The following ARMC2 variants were observed in gnomAD, a reference collection of about 807,000 sequenced individuals.
The protein encoded by ARMC2 is armadillo repeat-containing protein 2.
In ARMC2, 67 loss-of-function variants were observed where a neutral mutation model predicts 90.3. That is an observed-to-expected ratio of 0.74 (90% CI 0.61 to 0.91). The LOEUF (loss-of-function observed/expected upper bound fraction) is 0.91, where lower values mean the gene tolerates loss of function less well. ARMC2 is among the 40% of genes least tolerant of loss of function. The pLI, the probability that ARMC2 is intolerant of heterozygous loss-of-function variation, is 0.00. For missense variants in ARMC2, 920 were observed against 1,030.9 expected (o/e 0.89, Z 1.47); for synonymous variants, 393 against 393.0 (o/e 1.00, Z 0.00).
chr6:109,015,663 A>C, the ARMC2 span, among the ~76,000 whole-genome samples: 1 of 152,182 alleles, frequency 6.6e-6, no homozygotes, highest in Admixed American at 6.5e-5. Flanking sequence ...GAGGTCTATG[A>C]AAAAGGTGAA....
chr6:109,029,485 C>T, the ARMC2 span, among the ~76,000 whole-genome samples: 4 of 152,156 alleles, frequency 2.6e-5, no homozygotes, highest in Non-Finnish European at 5.9e-5. Context: ...CCACTTCCTA[C>T]AACCTCTCCC....
the ARMC2 span, among the ~76,000 whole-genome samples, chr6:109,013,910 C>G: frequency 1.3e-5 from 2 of 152,150 alleles, no homozygotes; most frequent in Non-Finnish European, 2.9e-5. Flanking sequence ...CATAGCTTGT[C>G]TGCTAAGCAC....
downstream of ARMC2, among the ~76,000 whole-genome samples, chr6:108,977,917 C>T (rs1779016156): frequency 6.6e-6 from 1 of 151,950 alleles, no homozygotes; most frequent in Non-Finnish European, 1.5e-5. Context: ...GGCTAGTGGT[C>T]TATTTATTTT....
At chr6:108,894,315 A>C (rs763145639) in intron 5 of ARMC2, among the ~76,000 whole-genome samples, 152 bp from the exon 6 acceptor site, 1 of 152,250 alleles carries the variant, frequency 6.6e-6, no homozygotes, top group African/African-American at 2.4e-5. Context: ...GCAGTGAGCT[A>C]TGATCACAGC....
chr6:108,937,623 TA>T (rs1247166580), intron 12 of ARMC2, among the ~76,000 whole-genome samples: 21 of 152,192 alleles, frequency 1.4e-4, no homozygotes, highest in African/African-American at 4.8e-4. Context: ...TATAGTTGTT[TA>T]AAAAAGGAAG....
the ARMC2 span, among the ~76,000 whole-genome samples, chr6:108,979,699 TC>T: frequency 3.3e-5 from 5 of 152,010 alleles, no homozygotes; most frequent in African/African-American, 1.2e-4. Context: ...TTCTTTTCAT[TC>T]TTTTTTCTCT....
chr6:108,999,990 A>T, the ARMC2 span: 3 of 152,196 alleles, frequency 2.0e-5, no homozygotes, highest in Admixed American at 6.5e-5. Context: ...AAAAAGCATG[A>T]AGAAGCCTTA....
chr6:108,896,530 G>A (rs1174335580), intron 6 of ARMC2, among the ~76,000 whole-genome samples: 1 of 152,198 alleles, frequency 6.6e-6, no homozygotes, highest in Non-Finnish European at 1.5e-5. Context: ...GAGGTGGAAA[G>A]GCTGTAGCCA....
At chr6:108,878,011 C>T (rs975075619) in intron 5 of ARMC2, among the ~76,000 whole-genome samples, 1 of 152,078 alleles carries the variant, frequency 6.6e-6, no homozygotes, top group Non-Finnish European at 1.5e-5. Flanking sequence ...GGTTAACTTT[C>T]AGTAACATTT....
intron 10 of ARMC2, among the ~76,000 whole-genome samples, chr6:108,926,921 C>CTTTT (rs34646224): frequency 5.8e-5 from 8 of 138,086 alleles, no homozygotes; most frequent in African/African-American, 2.2e-4. Flanking sequence ...TTATTTGAAG[C>CTTTT]TTTTTTTTTT....
At chr6:108,917,931 T>G (rs757904971) in intron 10 of ARMC2, among the ~76,000 whole-genome samples, 2 of 152,188 alleles carry the variant, frequency 1.3e-5, no homozygotes, top group Non-Finnish European at 2.9e-5. Flanking sequence ...TCCACCCACC[T>G]CAGCCTCCCA....
At chr6:108,972,739 C>A (rs566896814) in intron 17 of ARMC2, among the ~76,000 whole-genome samples, 1 of 152,210 alleles carries the variant, frequency 6.6e-6, no homozygotes, top group East Asian at 1.9e-4. Context: ...TCGTGCCCCA[C>A]TGCAGCCTCA....
rs147759507 is a variant in ARMC2 at position 108,860,195 on chromosome 6, A to G, written c.291+1924A>G. 5.7e-3 allele frequency among the ~76,000 whole-genome samples: 867 copies of G among 151,118 alleles called. 11 individuals are homozygous for G. Among genetic ancestry groups the G allele is most frequent in the African/African-American group, 0.02 (819 of 41,066 alleles). On this transcript the variant is annotated intron_variant, in intron 3 of 17. Transcript: ENST00000392644. ...TTTTCCCTCTACATTATCTCTTTGT[A>G]TAGTAGTCTGTTCTTATTTCATGGT...
the ARMC2 span, among the ~76,000 whole-genome samples, chr6:109,029,907 T>G: frequency 1.3e-5 from 2 of 152,204 alleles, no homozygotes; most frequent in African/African-American, 4.8e-5. Flanking sequence ...CGTTATATTT[T>G]GCTGAGCTTC....
rs146227645 is a variant in ARMC2 at position 108,951,536 on chromosome 6, T to C, written c.1597-1497T>C. Among the ~76,000 whole-genome samples, 380 of 152,344 alleles carry C rather than the reference T, an allele frequency of 2.5e-3. 2 individuals are homozygous for C. Among genetic ancestry groups the C allele is most frequent in the African/African-American group, 8.8e-3 (364 of 41,582 alleles). On this transcript the variant is annotated intron_variant, in intron 12 of 17. Coordinates refer to ENST00000392644, the MANE Select transcript of ARMC2 (RefSeq NM_032131.6). ...ATGTTTGGCAAATGGTTTCCGGTTG[T>C]GCAAGCAGCAGCCTCGCTTCTTCTC... is the stretch of plus-strand genomic sequence containing the variant.
chr6:108,952,205 C>A (rs559464468), intron 12 of ARMC2, among the ~76,000 whole-genome samples: 1 of 152,304 alleles, frequency 6.6e-6, no homozygotes, highest in South Asian at 2.1e-4. Context: ...CTGATCTGGA[C>A]TCATATGTGG....
the ARMC2 span, among the ~76,000 whole-genome samples, chr6:109,010,632 T>G: frequency 6.6e-6 from 1 of 152,218 alleles, no homozygotes; most frequent in African/African-American, 2.4e-5. Context: ...GTCAAAATGG[T>G]TACTTTTTAT....
rs114352389 is a variant in ARMC2 at position 108,861,635 on chromosome 6, A to G, written c.291+3364A>G. Among the ~76,000 whole-genome samples, 720 of 152,340 alleles carry G rather than the reference A, an allele frequency of 4.7e-3. 3 individuals are homozygous for G. Among genetic ancestry groups the G allele is most frequent in the African/African-American group, 0.016 (670 of 41,584 alleles). On this transcript the variant is annotated intron_variant, in intron 3 of 17. Coordinates refer to ENST00000392644, the MANE Select transcript of ARMC2 (RefSeq NM_032131.6). Reference sequence around the variant, plus strand: ...CCCAAGATAGCAAGCACGAACCAATATTGCAAGAAATAATTTGCCAGCTAT... The same window carrying G: ...CCCAAGATAGCAAGCACGAACCAATGTTGCAAGAAATAATTTGCCAGCTAT...
the ARMC2 span, among the ~76,000 whole-genome samples, chr6:108,989,561 C>A: frequency 9.7e-6 from 1 of 102,842 alleles, no homozygotes; most frequent in Non-Finnish European, 2.0e-5. Context: ...ATCTAGATCT[C>A]TAGATCTAGA....
Sources: allele counts gnomAD v4.1 joint callset (sites outside exome capture counted in the v4.1 genomes callset), GRCh38; gene constraint gnomAD v4.1.1; transcripts MANE v1.5; gene names NCBI Gene and HGNC (gene_info 2026-07-23, HGNC 2026-07-21).